The following ERC2 variants were observed in gnomAD, a reference collection of about 807,000 sequenced individuals.
The protein encoded by ERC2 is ERC protein 2.
Under a neutral mutation model 114.8 loss-of-function variants are expected in ERC2, and 42 were observed. The ratio of observed to expected loss-of-function variants is 0.37; its 90% CI spans 0.29 to 0.47. ERC2 has a LOEUF of 0.47. ERC2 is among the 20% of genes least tolerant of loss of function. ERC2 has a pLI of 0.99. For missense variants in ERC2, 939 were observed against 1,150.7 expected, an observed-to-expected ratio of 0.82 and a Z score of 2.66; for synonymous variants, 454 against 425.5, an observed-to-expected ratio of 1.07 and a Z score of -0.82.
intron 14 of ERC2, among the ~76,000 whole-genome samples, chr3:55,835,622 T>A (rs538597671): frequency 6.6e-6 from 1 of 152,172 alleles, no homozygotes; most frequent in African/African-American, 2.4e-5. Flanking sequence ...AAGAGCTATC[T>A]ATGAAAAACA....
chr3:56,060,359 C>T (rs1164760604), intron 7 of ERC2, among the ~76,000 whole-genome samples: 1 of 152,154 alleles, frequency 6.6e-6, no homozygotes, highest in African/African-American at 2.4e-5. Flanking sequence ...TTTCCTTTTC[C>T]CATCTGTAAA....
intron 2 of ERC2, among the ~76,000 whole-genome samples, chr3:56,303,900 G>A (rs1289393517): frequency 6.6e-6 from 1 of 152,110 alleles, no homozygotes; most frequent in Non-Finnish European, 1.5e-5. Context: ...GCCCTCAGGA[G>A]TCCAAAAAAT....
At chr3:56,405,246 C>A (rs2060670044) in intron 2 of ERC2, among the ~76,000 whole-genome samples, 1 of 152,072 alleles carries the variant, frequency 6.6e-6, no homozygotes, top group Admixed American at 6.5e-5. Context: ...GAGTTTGAGA[C>A]CAGCCTGGTC....
At chr3:55,895,950 C>T (rs1008087365) in intron 13 of ERC2, among the ~76,000 whole-genome samples, 1 of 152,162 alleles carries the variant, frequency 6.6e-6, no homozygotes, top group African/African-American at 2.4e-5. Context: ...GATGGAGGCC[C>T]TATGTTCGCT....
intron 3 of ERC2, among the ~76,000 whole-genome samples, chr3:56,238,077 C>G (rs1017733061): frequency 6.6e-6 from 1 of 152,162 alleles, no homozygotes; most frequent in Non-Finnish European, 1.5e-5. Flanking sequence ...GGGCCATGGA[C>G]TTTAGAGGGC....
intron 3 of ERC2, among the ~76,000 whole-genome samples, chr3:56,255,921 C>G (rs1295842757): frequency 6.6e-6 from 1 of 152,226 alleles, no homozygotes; most frequent in East Asian, 1.9e-4. Flanking sequence ...ACCTAATTAA[C>G]TGAAAGCTGC....
rs61573924 is a variant in ERC2, at chr3:55,850,845, AACACACACACACACAC to A, written c.2564+37528_2564+37543del. ...TCCTGTTTCTAGATACTCTTTTTCA[AACACACACACACACAC>A]ACACACACACACACACACACACACA... On this transcript the variant is annotated intron_variant, in intron 14 of 17. Coordinates refer to ENST00000288221, the MANE Select transcript of ERC2 (RefSeq NM_015576.3). Among the ~76,000 whole-genome samples, 228 of 125,956 alleles carry A rather than the reference AACACACACACACACAC, an allele frequency of 1.8e-3. 1 individual carries two copies. The highest frequency in any genetic ancestry group is 5.9e-3 in the African/African-American group (195 of 33,056). 82.6% of individuals were successfully genotyped at this position (125,956 alleles called of 152,430 possible).
At chr3:55,866,405 TC>T (rs1350125493) in intron 14 of ERC2, among the ~76,000 whole-genome samples, 2 of 152,202 alleles carry the variant, frequency 1.3e-5, no homozygotes, top group Non-Finnish European at 2.9e-5. Flanking sequence ...AAATATTTTC[TC>T]CCACATTGTA....
chr3:55,905,330 C>T (rs2064367334), intron 13 of ERC2, among the ~76,000 whole-genome samples: 1 of 152,224 alleles, frequency 6.6e-6, no homozygotes, highest in Non-Finnish European at 1.5e-5. Flanking sequence ...ATCCACCTGC[C>T]TCAGCCTCCC....
Position 55,811,782 on chromosome 3 carries a change from A to T in ERC2, c.2564+76607T>A, listed in dbSNP as rs74344242. On this transcript the variant is annotated intron_variant, in intron 14 of 17. Transcript: ENST00000288221. Reference sequence around the variant, plus strand: ...TATCCCATTCTCAAAATTCTGTAGCATTCTATTCTCACCCTAGGCATAATA... The same window carrying T: ...TATCCCATTCTCAAAATTCTGTAGCTTTCTATTCTCACCCTAGGCATAATA... Among the ~76,000 whole-genome samples, 939 of 152,276 alleles carry T rather than the reference A, an allele frequency of 6.2e-3. 15 individuals are homozygous for T. The highest frequency in any genetic ancestry group is 0.021 in the African/African-American group (888 of 41,546).
chr3:56,312,058 C>A (rs1377105001), intron 2 of ERC2, among the ~76,000 whole-genome samples: 1 of 151,964 alleles, frequency 6.6e-6, no homozygotes, highest in African/African-American at 2.4e-5. Flanking sequence ...TTAAAGTATC[C>A]AGGAGGATGT....
chr3:56,200,787 T>C (rs749418132), intron 3 of ERC2, among the ~76,000 whole-genome samples: 6 of 152,182 alleles, frequency 3.9e-5, no homozygotes, highest in South Asian at 2.1e-4. Flanking sequence ...TCCCCAACTA[T>C]CCATTAAAAG....
chr3:56,205,768 C>G (rs147507921), intron 3 of ERC2, among the ~76,000 whole-genome samples: 3 of 152,212 alleles, frequency 2.0e-5, no homozygotes, highest in African/African-American at 7.2e-5. Flanking sequence ...GCAGCAAATC[C>G]CAAGGTCTGG....
intron 3 of ERC2, among the ~76,000 whole-genome samples, chr3:56,294,115 A>G (rs765525341): frequency 6.6e-6 from 1 of 152,256 alleles, no homozygotes; most frequent in Non-Finnish European, 1.5e-5. Flanking sequence ...CAGTTAGTCT[A>G]CATGCAAGTA....
intron 6 of ERC2, among the ~76,000 whole-genome samples, chr3:56,101,861 T>C (rs1440314849): frequency 1.3e-5 from 2 of 152,188 alleles, no homozygotes; most frequent in Non-Finnish European, 2.9e-5. Context: ...TGCTCAGACC[T>C]GCTGAGCAGA....
chr3:55,512,783 G>C (rs928237268), intron 17 of ERC2, among the ~76,000 whole-genome samples: 1 of 152,162 alleles, frequency 6.6e-6, no homozygotes, highest in Non-Finnish European at 1.5e-5. Context: ...CTGCTTTTGG[G>C]TAAGGTTTAT....
At chr3:55,659,012 C>G (rs2061001195) in intron 17 of ERC2, 1 of 137,198 alleles carries the variant, frequency 7.3e-6, no homozygotes, top group Non-Finnish European at 1.6e-5. Context: ...CTTCAACAGG[C>G]AAGGCATCTT....
At chr3:56,171,934 T>C (rs2082694248) in intron 4 of ERC2, among the ~76,000 whole-genome samples, 1 of 141,336 alleles carries the variant, frequency 7.1e-6, no homozygotes, top group South Asian at 2.2e-4. Flanking sequence ...GGAAGGTGGG[T>C]GTGGAGGTGG....
chr3:55,876,230 T>C (rs541636523), intron 14 of ERC2, among the ~76,000 whole-genome samples: 3 of 152,284 alleles, frequency 2.0e-5, no homozygotes, highest in East Asian at 3.9e-4. Flanking sequence ...TACCTTTTCA[T>C]CCTTAGGGTT....
Sources: gnomAD v4.1 joint callset for allele counts (sites outside exome capture counted in the v4.1 genomes callset) on GRCh38, gnomAD v4.1.1 for gene constraint, MANE v1.5 for transcripts, NCBI Gene and HGNC (gene_info 2026-07-23, HGNC 2026-07-21) for gene names.